OR1Q1: variants seen among roughly 807,000 people sequenced by gnomAD.
OR1Q1 encodes the protein olfactory receptor 1Q1.
For missense variants in OR1Q1, 362 were observed against 391.1 expected (o/e 0.93, Z 0.63); for synonymous variants, 151 against 143.0 (o/e 1.06, Z -0.40).
rs751013995 is a variant in OR1Q1 at position 122,615,217 on chromosome 9, C to A, written c.480C>A (p.Thr160=). ...CCCACCTTCATGCCATGCTGCATAC[C>A]TTTCTCATAGGCCAACTAATCTTCT... The part of the protein sequence containing the change: ...ALSHLHAMLH[T]FLIGQLIFCA... Residue 160 remains threonine (T), a synonymous_variant, in exon 1 of 1, where the codon ACC becomes ACA. Transcript: ENST00000297913. 1 of 1,613,942 alleles carries A rather than the reference C, an allele frequency of 6.2e-7. No individual in the cohort carries two copies. The highest frequency in any genetic ancestry group is 1.3e-5 in the African/African-American group (1 of 74,896).
Position 122,614,766 on chromosome 9 carries a change from C to T in OR1Q1, c.29C>T (p.Ser10Phe), listed in dbSNP as rs1830037846. 1 of 1,613,250 alleles carries T rather than the reference C, an allele frequency of 6.2e-7. No homozygotes were observed. Among genetic ancestry groups the T allele is most frequent in the Non-Finnish European group, 8.5e-7 (1 of 1,179,442 alleles). MDNSNWTSV[S>F]HFVLLGISTH... ...GACAACAGCAACTGGACCAGTGTGT[C>T]CCATTTTGTTCTCTTGGGCATTTCC... Residue 10 changes from serine (S) to phenylalanine (F), a missense_variant, in exon 1 of 1, where the codon TCC (serine) becomes TTC (phenylalanine). Transcript: ENST00000297913.
Position 122,615,306 on chromosome 9 carries a change from C to A in OR1Q1, c.569C>A (p.Thr190Asn). ...DLYALMKISC[T>N]STYLNTLMIH... ...TACGCTCTGATGAAGATCTCCTGCA[C>A]CAGCACCTACCTCAACACCCTTATG... The change falls in exon 1 of 1, where the codon ACC becomes AAC. Residue 190 changes from threonine to asparagine, a missense_variant. Physicochemically the swap from Thr to Asn is moderately conservative, Grantham distance 65. Coordinates refer to ENST00000297913, the MANE Select transcript of OR1Q1 (RefSeq NM_012364.1). 5 of 1,614,146 alleles carry A rather than the reference C, an allele frequency of 3.1e-6. No individual in the cohort carries two copies. The highest frequency in any genetic ancestry group is 4.2e-6 in the Non-Finnish European group (5 of 1,179,978).
At position 122,615,599 on chromosome 9, in the gene OR1Q1, T is replaced by C; in HGVS notation, c.862T>C (p.Phe288Leu). 3 of 1,598,080 alleles carry C rather than the reference T, an allele frequency of 1.9e-6. No homozygotes were observed. Among genetic ancestry groups the C allele is most frequent in the Non-Finnish European group, 1.7e-6 (2 of 1,173,750 alleles). Reference sequence around the variant, plus strand: ...AGTGGTGACTCCCATGCTGAACCCCTTCATCTACAGCCTGAGGAATGGGGA... The same window carrying C: ...AGTGGTGACTCCCATGCTGAACCCCCTCATCTACAGCCTGAGGAATGGGGA... ...YTVVTPMLNP[F>L]IYSLRNGDVK... is the part of the protein sequence containing the mutation. Residue 288 changes from phenylalanine to leucine, a missense_variant, in exon 1 of 1, where the codon TTC (phenylalanine) becomes CTC (leucine). Coordinates refer to ENST00000297913, the MANE Select transcript of OR1Q1 (RefSeq NM_012364.1).
At position 122,614,909 on chromosome 9, in the gene OR1Q1, C is replaced by G. The variant is rs769136958; in HGVS notation, c.172C>G (p.Pro58Ala). 3 of 1,614,174 alleles carry G rather than the reference C, an allele frequency of 1.9e-6. No homozygotes were observed. The highest frequency in any genetic ancestry group is 2.5e-6 in the Non-Finnish European group (3 of 1,180,026). The change falls in exon 1 of 1, where the codon CCC (proline) becomes GCC (alanine). Residue 58 changes from proline to alanine, a missense_variant. Transcript: ENST00000297913. ...LILSAPRLHI[P>A]MYIFLSNLAL... ...TCTCTCTGCTCCACGCCTCCACATC[C>G]CCATGTACATCTTCCTCAGTAACTT...
rs777859197 is a variant in OR1Q1 at position 122,615,022 on chromosome 9, A to C, written c.285A>C (p.Thr95=). ...CCCCTACAAAGGTAATTTCCTACAC[A>C]GGCTGTTTAGCCCAAACTTATTTCT... The part of the protein sequence containing the change: ...IFSPTKVISY[T]GCLAQTYFFI... The change falls in exon 1 of 1, where the codon ACA becomes ACC. Residue 95 remains threonine, a synonymous_variant. Transcript: ENST00000297913. 6.2e-7 allele frequency: 1 copy of C among 1,614,200 alleles called. No individual in the cohort carries two copies. The highest frequency in any genetic ancestry group is 8.5e-7 in the Non-Finnish European group (1 of 1,180,042).
Position 122,615,186 on chromosome 9 carries a change from C to A in OR1Q1, c.449C>A (p.Ala150Asp). The A allele has an allele frequency of 1.9e-6, 3 of 1,614,138 alleles. No homozygotes were observed. Among genetic ancestry groups the A allele is most frequent in the African/African-American group, 2.7e-5 (2 of 75,038 alleles). The change falls in exon 1 of 1, where the codon GCT becomes GAT. Residue 150 changes from alanine to aspartate, a missense_variant. Transcript: ENST00000297913. ...GTGAAGATGGTGGTCATGTGCCATG[C>A]TCTCTCCCACCTTCATGCCATGCTG... is the stretch of plus-strand genomic sequence containing the variant. ...LCVKMVVMCH[A>D]LSHLHAMLHT... is the part of the protein sequence containing the mutation.
chr9:122,614,894 C>T lies in OR1Q1; in HGVS notation c.157C>T (p.Pro53Ser). 1.2e-6 allele frequency: 2 copies of T among 1,614,156 alleles called. No homozygotes were observed. The highest frequency in any genetic ancestry group is 2.2e-5 in the South Asian group (2 of 91,072). ...LAIITLILSA[P>S]RLHIPMYIFL... Reference sequence around the variant, plus strand: ...CATCATCACACTGATTCTCTCTGCTCCACGCCTCCACATCCCCATGTACAT... The same window carrying T: ...CATCATCACACTGATTCTCTCTGCTTCACGCCTCCACATCCCCATGTACAT... The change falls in exon 1 of 1, where the codon CCA becomes TCA. Residue 53 changes from proline to serine, a missense_variant. Pro to Ser is a moderately conservative substitution (Grantham distance 74, BLOSUM62 -1). Coordinates refer to ENST00000297913, the MANE Select transcript of OR1Q1 (RefSeq NM_012364.1).
In OR1Q1 at chr9:122,615,310, C is replaced by A; in HGVS notation, c.573C>A (p.Ser191Arg). The A allele has an allele frequency of 6.2e-7, 1 of 1,614,198 alleles. No individual in the cohort carries two copies. Among genetic ancestry groups the A allele is most frequent in the Non-Finnish European group, 8.5e-7 (1 of 1,180,002 alleles). The change falls in exon 1 of 1, where the codon AGC becomes AGA. Residue 191 changes from serine to arginine, a missense_variant. Transcript: ENST00000297913. ...LYALMKISCT[S>R]TYLNTLMIHT... ...CTCTGATGAAGATCTCCTGCACCAG[C>A]ACCTACCTCAACACCCTTATGATTC...
rs748998573 is a variant in OR1Q1, at chr9:122,615,400, C to T, written c.663C>T (p.Ile221=). ...LAFITASYAC[I]ILVVLRIPSA... ...TCATTACTGCCTCCTATGCCTGCAT[C>T]ATCCTGGTGGTCCTCCGGATCCCCT... Residue 221 remains isoleucine (I), a synonymous_variant, in exon 1 of 1, where the codon ATC becomes ATT. Coordinates refer to ENST00000297913, the MANE Select transcript of OR1Q1 (RefSeq NM_012364.1). 7.4e-6 allele frequency: 12 copies of T among 1,614,074 alleles called. No individual in the cohort carries two copies.
rs1830043122 is a variant in OR1Q1, at chr9:122,615,092, G to A, written c.355G>A (p.Ala119Thr). 2 of 1,614,008 alleles carry A rather than the reference G, an allele frequency of 1.2e-6. No individual in the cohort carries two copies. The highest frequency in any genetic ancestry group is 1.7e-5 in the Admixed American group (1 of 60,004). ...VMENFILAVMAYDRYIAICHP... is the reference protein window; with the variant it reads ...VMENFILAVMTYDRYIAICHP... The stretch of plus-strand genomic sequence containing the variant: ...GGAAAACTTCATCCTGGCTGTGATG[G>A]CCTATGACAGGTACATTGCCATCTG... The change falls in exon 1 of 1, where the codon GCC becomes ACC. Residue 119 changes from alanine (A) to threonine (T), a missense_variant. By Grantham distance (58) the Ala-to-Thr change is moderately conservative. Transcript: ENST00000297913.
chr9:122,615,508 G>C lies in OR1Q1; in HGVS notation c.771G>C (p.Trp257Cys). 1 of 1,612,718 alleles carries C rather than the reference G, an allele frequency of 6.2e-7. No individual in the cohort carries two copies. The highest frequency in any genetic ancestry group is 1.3e-5 in the African/African-American group (1 of 74,960). ...CCATATTCTATGGCACCCTCAGTTG[G>C]GTCTACTTCCGGCCCCTTTCCAGCT... ...VVAIFYGTLS[W>C]VYFRPLSSYS... Residue 257 changes from tryptophan to cysteine, a missense_variant, in exon 1 of 1, where the codon TGG becomes TGC. Physicochemically the swap from Trp to Cys is radical, Grantham distance 215. Coordinates refer to ENST00000297913, the MANE Select transcript of OR1Q1 (RefSeq NM_012364.1).
In OR1Q1 at chr9:122,615,131, T is replaced by C; in HGVS notation, c.394T>C (p.Tyr132His). 6.2e-7 allele frequency: 1 copy of C among 1,614,216 alleles called. No homozygotes were observed. Residue 132 changes from tyrosine (Y) to histidine (H), a missense_variant, in exon 1 of 1, where the codon TAC (tyrosine) becomes CAC (histidine). Tyr to His is a moderately conservative substitution (Grantham distance 83). Transcript: ENST00000297913. ...RYIAICHPFH[Y>H]TMILTRMLCV... ...CATTGCCATCTGCCACCCTTTCCAC[T>C]ACACTATGATCCTGACTAGAATGCT... is the stretch of plus-strand genomic sequence containing the variant.
Position 122,614,815 on chromosome 9 carries a change from A to C in OR1Q1, c.78A>C (p.Pro26=). The part of the protein sequence containing the change: ...GISTHPEEQI[P]LFLVFSLMYA... ...CCACCCACCCAGAAGAGCAAATCCC[A>C]CTCTTCCTTGTTTTCTCACTCATGT... The change falls in exon 1 of 1, where the codon CCA becomes CCC. Residue 26 remains proline, a synonymous_variant. Coordinates refer to ENST00000297913, the MANE Select transcript of OR1Q1 (RefSeq NM_012364.1). 6.2e-7 allele frequency: 1 copy of C among 1,613,268 alleles called. No homozygotes were observed. Among genetic ancestry groups the C allele is most frequent in the Non-Finnish European group, 8.5e-7 (1 of 1,179,648 alleles).
chr9:122,614,759 A>G lies in OR1Q1; in HGVS notation c.22A>G (p.Ser8Gly). The G allele has an allele frequency of 1.2e-6, 2 of 1,612,718 alleles. No homozygotes were observed. Residue 8 changes from serine to glycine, a missense_variant, in exon 1 of 1, where the codon AGT (serine) becomes GGT (glycine). Physicochemically the swap from Ser to Gly is moderately conservative, Grantham distance 56. Transcript: ENST00000297913. ...ACAGATGGACAACAGCAACTGGACC[A>G]GTGTGTCCCATTTTGTTCTCTTGGG... MDNSNWT[S>G]VSHFVLLGIS... is the part of the protein sequence containing the mutation.
In OR1Q1 at chr9:122,615,323, A is replaced by G; in HGVS notation, c.586A>G (p.Thr196Ala). ...CTCCTGCACCAGCACCTACCTCAAC[A>G]CCCTTATGATTCACACAGAAGGTGC... Reference protein sequence around the residue: ...KISCTSTYLNTLMIHTEGAVV... With the variant: ...KISCTSTYLNALMIHTEGAVV... The change falls in exon 1 of 1, where the codon ACC becomes GCC. Residue 196 changes from threonine to alanine, a missense_variant. By Grantham distance (58) the Thr-to-Ala change is moderately conservative (BLOSUM62 0). Coordinates refer to ENST00000297913, the MANE Select transcript of OR1Q1 (RefSeq NM_012364.1). 1 of 1,613,764 alleles carries G rather than the reference A, an allele frequency of 6.2e-7. No homozygotes were observed. The highest frequency in any genetic ancestry group is 8.5e-7 in the Non-Finnish European group (1 of 1,179,900).
rs372521842 is a variant in OR1Q1, at chr9:122,614,973, C to T, written c.236C>T (p.Pro79Leu). 2.5e-6 allele frequency: 4 copies of T among 1,614,022 alleles called. No homozygotes were observed. The highest frequency in any genetic ancestry group is 1.6e-4 in the Middle Eastern group (1 of 6,082). Residue 79 changes from proline to leucine, a missense_variant, in exon 1 of 1, where the codon CCC (proline) becomes CTC (leucine). Pro to Leu is a moderately conservative substitution (Grantham distance 98, BLOSUM62 -3). Coordinates refer to ENST00000297913, the MANE Select transcript of OR1Q1 (RefSeq NM_012364.1). ...ATCTGCTTCACCTCCACCACGGTCC[C>T]CAAGATGCTGCAGATTATTTTCTCC... ...TDICFTSTTV[P>L]KMLQIIFSPT...
rs757184845 is a variant in OR1Q1, at chr9:122,615,676, T to C, written c.939T>C (p.Phe313=). The C allele has an allele frequency of 6.5e-7, 1 of 1,538,050 alleles. No homozygotes were observed. Among genetic ancestry groups the C allele is most frequent in the South Asian group, 1.3e-5 (1 of 74,984 alleles). The change falls in exon 1 of 1, where the codon TTT becomes TTC. Residue 313 remains phenylalanine, a synonymous_variant. Coordinates refer to ENST00000297913, the MANE Select transcript of OR1Q1 (RefSeq NM_012364.1). The stretch of plus-strand genomic sequence containing the variant: ...TGAGCAGAATGCAGACTTTTTTCTT[T>C]AGATAAAACCCCAAACACAGTTCAG... The part of the protein sequence containing the change: ...KWMSRMQTFF[F]R
In OR1Q1 at chr9:122,615,666, CT is replaced by C. The variant is rs773823474; in HGVS notation, c.935del (p.Phe312SerfsTer?). On this transcript the variant is annotated frameshift_variant, in exon 1 of 1. Transcript: ENST00000297913. LOFTEE classifies it high-confidence loss of function. ...ATGAAATGGATGAGCAGAATGCAGA[CT>C]TTTTTCTTTAGATAAAACCCCAAAC... ...GFMKWMSRMQTFFFR is the reference protein window; with the variant it reads ...GFMKWMSRMQXFFFR 5.2e-6 allele frequency: 8 copies of C among 1,541,984 alleles called. No individual in the cohort carries two copies. Among genetic ancestry groups the C allele is most frequent in the Non-Finnish European group, 6.9e-6 (8 of 1,153,258 alleles).
chr9:122,614,749 C>T lies in OR1Q1; in HGVS notation c.12C>T (p.Ser4=). MDN[S]NWTSVSHFVL... ...TCTTATGGCAACAGATGGACAACAGCAACTGGACCAGTGTGTCCCATTTTG... is the reference window on the plus strand; with the variant it reads ...TCTTATGGCAACAGATGGACAACAGTAACTGGACCAGTGTGTCCCATTTTG... The change falls in exon 1 of 1, where the codon AGC becomes AGT. Residue 4 remains serine, a synonymous_variant. Coordinates refer to ENST00000297913, the MANE Select transcript of OR1Q1 (RefSeq NM_012364.1). The T allele has an allele frequency of 6.2e-7, 1 of 1,609,298 alleles. No homozygotes were observed. The highest frequency in any genetic ancestry group is 2.2e-5 in the East Asian group (1 of 44,844).
Sources: allele counts gnomAD v4.1 joint callset, GRCh38; gene constraint gnomAD v4.1.1; transcripts MANE v1.5; gene names NCBI Gene and HGNC (gene_info 2026-07-23, HGNC 2026-07-21).